The following PHF21A variants were observed in gnomAD, a reference collection of about 807,000 sequenced individuals.
The protein encoded by PHF21A is PHD finger protein 21A.
In PHF21A, 11 loss-of-function variants were observed where a neutral mutation model predicts 82.5. The observed-to-expected ratio is 0.13, with a 90% CI of 0.08 to 0.22. The LOEUF is 0.22. Among genes scored for constraint, PHF21A ranks in the 10% least tolerant of loss-of-function variants. The probability of loss-of-function intolerance (pLI) is 1.00; values close to 1 mark genes in which losing one functional copy is unlikely to be tolerated. For missense variants in PHF21A, 579 were observed against 837.8 expected (o/e 0.69, Z 3.81); for synonymous variants, 297 against 302.8 (o/e 0.98, Z 0.20).
At chr11:46,052,956 T>C (rs2096391728) in intron 6 of PHF21A, among the ~76,000 whole-genome samples, 2 of 152,252 alleles carry the variant, frequency 1.3e-5, no homozygotes, top group East Asian at 3.9e-4. Flanking sequence ...TGCTACAAGA[T>C]GAAGTAGAAG....
At chr11:46,064,356 A>AG (rs1361082708) in intron 6 of PHF21A, among the ~76,000 whole-genome samples, 1 of 152,202 alleles carries the variant, frequency 6.6e-6, no homozygotes, top group Non-Finnish European at 1.5e-5. Context: ...GAAAACTTGT[A>AG]GGGCCTCATT....
intron 6 of PHF21A, among the ~76,000 whole-genome samples, chr11:46,033,470 C>T (rs1040400549): frequency 2.6e-5 from 4 of 152,122 alleles, no homozygotes; most frequent in Non-Finnish European, 5.9e-5. Flanking sequence ...CGCCATGTTG[C>T]CTAGGCTGGT....
intron 7 of PHF21A, among the ~76,000 whole-genome samples, chr11:45,975,614 T>C (rs2093987853): frequency 6.6e-6 from 1 of 152,216 alleles, no homozygotes; most frequent in Non-Finnish European, 1.5e-5. Flanking sequence ...ACATTTGCAT[T>C]ATGCCATTAA....
At chr11:45,998,700 C>T (rs953624860) in intron 6 of PHF21A, among the ~76,000 whole-genome samples, 6 of 151,638 alleles carry the variant, frequency 4.0e-5, no homozygotes, top group South Asian at 2.1e-4. Flanking sequence ...TTAGTAGAGA[C>T]GGGGTTTCTC....
At chr11:45,997,397 T>A (rs1313131728) in intron 6 of PHF21A, among the ~76,000 whole-genome samples, 2 of 152,146 alleles carry the variant, frequency 1.3e-5, no homozygotes, top group Non-Finnish European at 2.9e-5. Flanking sequence ...ATAAAGGACA[T>A]CATTTTACTA....
rs2094205698 is a variant in PHF21A at position 45,979,877 on chromosome 11, T to C, written c.243A>G (p.Glu81=). ...GCTGCTGTGCTGTTTGTAGTTTGTTTTCAGATTGTGGCAATGGCTGTATTT... is the reference window on the plus strand; with the variant it reads ...GCTGCTGTGCTGTTTGTAGTTTGTTCTCAGATTGTGGCAATGGCTGTATTT... The part of the protein sequence containing the change: ...KFQIQPLPQS[E]NKLQTAQQQP... The change falls in exon 7 of 19, where the codon GAA becomes GAG. Residue 81 remains glutamate (E), a synonymous_variant. Transcript: ENST00000676320. 7 of 1,614,232 alleles carry C rather than the reference T, an allele frequency of 4.3e-6. No individual in the cohort carries two copies. In the East Asian group the frequency reaches 1.6e-4, roughly 36 times the overall value.
chr11:46,110,804 G>C (rs75669091), intron 1 of PHF21A, among the ~76,000 whole-genome samples: 1 of 93,126 alleles, frequency 1.1e-5, no homozygotes, highest in Non-Finnish European at 2.1e-5. Context: ...TTTTTTTTTT[G>C]AGACAGAGTC....
In PHF21A at chr11:46,035,211, A is replaced by G. The variant is rs960363428; in HGVS notation, c.153+41543T>C. Among the ~76,000 whole-genome samples the G allele has an allele frequency of 2.6e-5, 4 of 152,180 alleles. 1 individual carries two copies. Among genetic ancestry groups the G allele is most frequent in the Admixed American group, 2.0e-4 (3 of 15,278 alleles). ...CAGTCCTGACTAGGAGCCTCACTTG[A>G]TATTTTTTCCTGAAGTGGACAGCCA... is the stretch of plus-strand genomic sequence containing the variant. On this transcript the variant is annotated intron_variant, in intron 6 of 18. Coordinates refer to ENST00000676320, the MANE Select transcript of PHF21A (RefSeq NM_001352027.3).
chr11:45,934,168 G>C lies in PHF21A; in HGVS notation c.1846C>G (p.Leu616Val), dbSNP rs2134955205. Residue 616 changes from leucine to valine, a missense_variant, in exon 19 of 19, where the codon CTG (leucine) becomes GTG (valine). Physicochemically the swap from Leu to Val is conservative, Grantham distance 32. This residue lies in a region of PHF21A where 157 missense variants were observed against 149.4 expected (regional missense o/e 1.05). Transcript: ENST00000676320. Reference protein sequence around the residue: ...LARQKEMHSSLEKVKQLIRLI... With the variant: ...LARQKEMHSSVEKVKQLIRLI... ...CGAATCAGCTGTTTTACCTTCTCCA[G>C]GGAGCTGTGCATCTCCTTCTGCCGG... 1 of 1,614,064 alleles carries C rather than the reference G, an allele frequency of 6.2e-7. No individual in the cohort carries two copies. The highest frequency in any genetic ancestry group is 1.3e-5 in the African/African-American group (1 of 75,058).
chr11:46,071,761 A>T (rs901131632), intron 6 of PHF21A, among the ~76,000 whole-genome samples: 2 of 152,028 alleles, frequency 1.3e-5, no homozygotes, highest in Admixed American at 1.3e-4. Flanking sequence ...ACACCCTATC[A>T]TCAAGAGAAG....
rs1452859819 is a variant in PHF21A, at chr11:45,971,905, T to TTTTTTTTTTTTTTA, written c.361-539_361-538insTAAAAAAAAAAAAA. Among the ~76,000 whole-genome samples, 198 of 89,928 alleles carry TTTTTTTTTTTTTTA rather than the reference T, an allele frequency of 2.2e-3. 28 individuals are homozygous for TTTTTTTTTTTTTTA. Among genetic ancestry groups the TTTTTTTTTTTTTTA allele is most frequent in the African/African-American group, 7.5e-3 (180 of 23,994 alleles). 59.0% of individuals were successfully genotyped at this position (89,928 alleles called of 152,430 possible). A position where few individuals can be genotyped will look rare whatever the true frequency, so the allele number is the denominator to read the frequency against. On this transcript the variant is annotated intron_variant, in intron 7 of 18. Coordinates refer to ENST00000676320, the MANE Select transcript of PHF21A (RefSeq NM_001352027.3). ...CTTTTTCTTTCTTTTTTTTTTTTTT[T>TTTTTTTTTTTTTTA]ATGGTGTCACCCTGGAGAGAAGGAA...
intron 6 of PHF21A, among the ~76,000 whole-genome samples, chr11:46,019,371 A>G (rs1439302804): frequency 6.6e-6 from 1 of 152,154 alleles, no homozygotes; most frequent in Non-Finnish European, 1.5e-5. Context: ...CCAGAAGCTA[A>G]CTTTCATTGG....
At chr11:46,073,996 A>G (rs1362360040) in intron 6 of PHF21A, among the ~76,000 whole-genome samples, 1 of 152,190 alleles carries the variant, frequency 6.6e-6, no homozygotes, top group Non-Finnish European at 1.5e-5. Context: ...TCCCAAATGG[A>G]GCATACGATT....
intron 6 of PHF21A, among the ~76,000 whole-genome samples, chr11:46,075,107 C>T (rs2096710254): frequency 6.6e-6 from 1 of 152,098 alleles, no homozygotes; most frequent in African/African-American, 2.4e-5. Context: ...TAGAGCTTGC[C>T]ACTTGATGAA....
At chr11:46,052,458 T>C (rs190372877) in intron 6 of PHF21A, among the ~76,000 whole-genome samples, 54 of 152,312 alleles carry the variant, frequency 3.5e-4, no homozygotes, top group African/African-American at 1.2e-3. Flanking sequence ...TTCACTCATA[T>C]ACCTACTGAA....
chr11:45,947,485 T>C (rs1565198775), intron 14 of PHF21A, among the ~76,000 whole-genome samples: 2 of 152,230 alleles, frequency 1.3e-5, no homozygotes, highest in African/African-American at 4.8e-5. Flanking sequence ...GTGATGCCTA[T>C]AGTACAAAGA....
At chr11:45,973,217 A>T (rs867548739) in intron 7 of PHF21A, among the ~76,000 whole-genome samples, 11 of 152,262 alleles carry the variant, frequency 7.2e-5, no homozygotes, top group Non-Finnish European at 1.2e-4. Flanking sequence ...GTTAGTGGTG[A>T]CCAAACTGGA....
At chr11:46,002,025 G>A (rs1376030556) in intron 6 of PHF21A, among the ~76,000 whole-genome samples, 1 of 152,152 alleles carries the variant, frequency 6.6e-6, no homozygotes, top group Non-Finnish European at 1.5e-5. Flanking sequence ...AGGATTTCAT[G>A]AGAAAATATA....
intron 6 of PHF21A, among the ~76,000 whole-genome samples, chr11:46,024,732 G>T (rs1316719184): frequency 6.6e-6 from 1 of 152,126 alleles, no homozygotes; most frequent in Non-Finnish European, 1.5e-5. Context: ...CCCAGGAGGT[G>T]AAGGTTGCAG....
Sources: gnomAD v4.1 joint callset for allele counts (sites outside exome capture counted in the v4.1 genomes callset) on GRCh38, gnomAD v4.1.1 for gene constraint, gnomAD v4.1.1 regional missense constraint, MANE v1.5 for transcripts, NCBI Gene and HGNC (gene_info 2026-07-23, HGNC 2026-07-21) for gene names.